COL21A1: variants seen among roughly 807,000 people sequenced by gnomAD.
COL21A1 encodes the protein collagen type XXI alpha 1 chain, also known as collagen alpha-1(XXI) chain.
Under a neutral mutation model 137.9 loss-of-function variants are expected in COL21A1, and 149 were observed. The ratio of observed to expected loss-of-function variants is 1.08; its 90% CI spans 0.95 to 1.24. The LOEUF (loss-of-function observed/expected upper bound fraction) is 1.24. Ranked by LOEUF, COL21A1 falls within the 50% of genes most tolerant of loss-of-function variation. The pLI is 0.00. For missense variants in COL21A1, 1,167 were observed against 1,158.4 expected (o/e 1.01, Z -0.11); for synonymous variants, 456 against 391.5 (o/e 1.16, Z -1.95).
intron 1 of COL21A1, chr6:56,276,788 A>G: frequency 9.2e-7 from 1 of 1,089,996 alleles, no homozygotes; most frequent in Middle Eastern, 3.1e-4. Context: ...CTGGTTGTTC[A>G]GTGAGTTGTG....
At chr6:56,107,840 G>T (rs1453673253) in intron 16 of COL21A1, among the ~76,000 whole-genome samples, 2 of 152,064 alleles carry the variant, frequency 1.3e-5, no homozygotes, top group African/African-American at 2.4e-5. Context: ...GACAAACACT[G>T]AGTATATTTA....
chr6:56,197,505 T>A (rs941563483), intron 1 of COL21A1, among the ~76,000 whole-genome samples: 2 of 152,048 alleles, frequency 1.3e-5, no homozygotes, highest in South Asian at 4.1e-4. Context: ...ACCCACACAA[T>A]TCAATAGCAA....
At chr6:56,175,992 A>T (rs1240270733) in intron 3 of COL21A1, among the ~76,000 whole-genome samples, 5 of 152,106 alleles carry the variant, frequency 3.3e-5, no homozygotes, top group Admixed American at 2.0e-4. Context: ...CATCAATGAA[A>T]TTATCTTTGA....
intron 1 of COL21A1, among the ~76,000 whole-genome samples, chr6:56,265,517 C>T (rs1253083022): frequency 6.6e-6 from 1 of 152,208 alleles, no homozygotes; most frequent in African/African-American, 2.4e-5. Flanking sequence ...TGATACTCCC[C>T]ATCCCCACTG....
At chr6:56,224,369 A>C (rs1781061077) in intron 1 of COL21A1, among the ~76,000 whole-genome samples, 1 of 152,130 alleles carries the variant, frequency 6.6e-6, no homozygotes, top group African/African-American at 2.4e-5. Context: ...TACTTCTTAA[A>C]CAAAGAGAAC....
At chr6:56,339,351 A>AT in intron 1 of COL21A1, among the ~76,000 whole-genome samples, 1 of 135,128 alleles carries the variant, frequency 7.4e-6, no homozygotes, top group Admixed American at 8.2e-5. Flanking sequence ...ACTGCGTTTA[A>AT]TAAAAACCTC....
intron 10 of COL21A1, among the ~76,000 whole-genome samples, chr6:56,150,513 A>C (rs1427731636): frequency 2.0e-5 from 2 of 102,170 alleles, no homozygotes; most frequent in East Asian, 2.8e-4. Context: ...GCGAGACTCC[A>C]TCACACACAC....
At chr6:56,108,589 G>C (rs1235210451) in intron 16 of COL21A1, among the ~76,000 whole-genome samples, 2 of 151,756 alleles carry the variant, frequency 1.3e-5, no homozygotes, top group Non-Finnish European at 3.0e-5. Flanking sequence ...GAATAACGTA[G>C]AAACTACATT....
At chr6:56,194,671 C>A (rs538570755) in intron 1 of COL21A1, among the ~76,000 whole-genome samples, 17 of 152,130 alleles carry the variant, frequency 1.1e-4, no homozygotes, top group African/African-American at 3.9e-4. Flanking sequence ...AATTATAAAG[C>A]CTTGATACTC....
At chr6:56,070,432 A>G (rs1766641491) in intron 21 of COL21A1, among the ~76,000 whole-genome samples, 1 of 151,588 alleles carries the variant, frequency 6.6e-6, no homozygotes, top group Admixed American at 6.6e-5. Context: ...TGAGAACTAC[A>G]TGCTCCTGTT....
At chr6:56,382,650 C>T (rs1303021579) in intron 1 of COL21A1, among the ~76,000 whole-genome samples, 1 of 152,000 alleles carries the variant, frequency 6.6e-6, no homozygotes, top group Non-Finnish European at 1.5e-5. Flanking sequence ...CTTTCCTCTC[C>T]CTCACCCTCT....
chr6:56,215,323 T>C (rs1780414971), intron 1 of COL21A1, among the ~76,000 whole-genome samples: 1 of 152,052 alleles, frequency 6.6e-6, no homozygotes, highest in Admixed American at 6.6e-5. Flanking sequence ...CAAAGACTGA[T>C]GTAGGAAACC....
At chr6:56,059,313 G>A in intron 28 of COL21A1, 71 bp from the exon 29 acceptor site, 1 of 983,364 alleles carries the variant, frequency 1.0e-6, no homozygotes, top group African/African-American at 1.7e-5. Flanking sequence ...ATTCAAAGCT[G>A]TTAATATACA....
upstream of COL21A1, among the ~76,000 whole-genome samples, chr6:56,250,823 G>A (rs1259004103): frequency 6.6e-6 from 1 of 152,146 alleles, no homozygotes; most frequent in Non-Finnish European, 1.5e-5. Context: ...TTTTAGTAAA[G>A]AGAGTATCTT....
chr6:56,111,254 AC>A (rs1237031032), intron 16 of COL21A1, among the ~76,000 whole-genome samples: 1 of 152,146 alleles, frequency 6.6e-6, no homozygotes, highest in African/African-American at 2.4e-5. Context: ...ACTCTTCAAA[AC>A]CATCAAAGTC....
intron 1 of COL21A1, among the ~76,000 whole-genome samples, chr6:56,260,656 GAAT>G (rs1231363449): frequency 2.3e-5 from 1 of 43,036 alleles, no homozygotes; most frequent in African/African-American, 1.0e-4. Flanking sequence ...AGGAAGGAAG[GAAT>G]GAAGGAAGGA....
At chr6:56,340,128 A>G (rs767710833) in intron 1 of COL21A1, among the ~76,000 whole-genome samples, 4 of 152,122 alleles carry the variant, frequency 2.6e-5, no homozygotes, top group Non-Finnish European at 5.9e-5. Flanking sequence ...TTAGAGATAC[A>G]TTGTTTTTCC....
intron 1 of COL21A1, among the ~76,000 whole-genome samples, chr6:56,302,393 G>T (rs77698360): frequency 0.86 from 129,523 of 151,258 alleles, 57,589 homozygotes; most frequent in South Asian, 0.99. Flanking sequence ...AGCACCTGTT[G>T]TTTCCTGACT....
intron 1 of COL21A1, among the ~76,000 whole-genome samples, chr6:56,197,455 A>G (rs777909022): frequency 6.6e-6 from 1 of 152,164 alleles, no homozygotes; most frequent in Non-Finnish European, 1.5e-5. Context: ...TCTGCAAACC[A>G]TATATCTGAT....
Sources: allele counts gnomAD v4.1 joint callset (sites outside exome capture counted in the v4.1 genomes callset), GRCh38; gene constraint gnomAD v4.1.1; transcripts MANE v1.5; gene names NCBI Gene and HGNC (gene_info 2026-07-23, HGNC 2026-07-21).